The following NTM variants were observed in gnomAD, a reference collection of about 807,000 sequenced individuals.
NTM encodes the protein IgLON family member 2.
Under a neutral mutation model 42.1 loss-of-function variants are expected in NTM, and 13 were observed. The ratio of observed to expected loss-of-function variants is 0.31; its 90% CI spans 0.20 to 0.49. The LOEUF (loss-of-function observed/expected upper bound fraction) is 0.49, where lower values mean the gene tolerates loss of function less well. NTM is among the 20% of genes least tolerant of loss of function. NTM has a pLI of 0.99. For synonymous variants in NTM, 187 were observed against 179.2 expected (o/e 1.04, Z -0.35); for missense variants, 373 against 452.8 (o/e 0.82, Z 1.60).
At chr11:132,057,424 T>C (rs1378639831) in intron 2 of NTM, among the ~76,000 whole-genome samples, 3 of 152,252 alleles carry the variant, frequency 2.0e-5, no homozygotes, top group African/African-American at 4.8e-5. Context: ...GCTGTGTGTT[T>C]ATATTTTCAA....
Position 131,517,468 on chromosome 11 carries a change from G to C in NTM, c.82+146580G>C, listed in dbSNP as rs577022575. 7.9e-4 allele frequency among the ~76,000 whole-genome samples: 121 copies of C among 152,316 alleles called. 1 individual carries two copies. Among genetic ancestry groups the C allele is most frequent in the Non-Finnish European group, 1.4e-3 (92 of 68,032 alleles). Reference sequence around the variant, plus strand: ...TATTATGAGGCAAAACAATAGGCAGGCTGGAAAATGGGGGAGTAGAGGCCT... The same window carrying C: ...TATTATGAGGCAAAACAATAGGCAGCCTGGAAAATGGGGGAGTAGAGGCCT... On this transcript the variant is annotated intron_variant, in intron 1 of 8. Coordinates refer to ENST00000683400, the MANE Select transcript of NTM (RefSeq NM_001352005.2).
intron 2 of NTM, among the ~76,000 whole-genome samples, chr11:132,126,864 A>T (rs2065924592): frequency 6.6e-6 from 1 of 152,160 alleles, no homozygotes; most frequent in African/African-American, 2.4e-5. Context: ...TGACCCGCAA[A>T]GCGTGGTTTA....
intron 2 of NTM, among the ~76,000 whole-genome samples, chr11:132,118,060 C>G (rs1201147469): frequency 2.0e-5 from 3 of 152,196 alleles, no homozygotes; most frequent in African/African-American, 7.2e-5. Context: ...AGATTAATTG[C>G]AACATAATAT....
intron 1 of NTM, among the ~76,000 whole-genome samples, chr11:131,896,597 A>G (rs1016280344): frequency 6.7e-6 from 1 of 150,366 alleles, no homozygotes. Context: ...CTTGCAGGAT[A>G]GTTGCATTCC....
intron 1 of NTM, among the ~76,000 whole-genome samples, chr11:131,783,444 A>T (rs999372006): frequency 2.6e-5 from 4 of 152,150 alleles, no homozygotes; most frequent in African/African-American, 9.6e-5. Context: ...AAATCTCAGC[A>T]TATTTTTGGG....
At chr11:132,220,888 G>A (rs1244821245) in intron 4 of NTM, among the ~76,000 whole-genome samples, 1 of 152,156 alleles carries the variant, frequency 6.6e-6, no homozygotes, top group Non-Finnish European at 1.5e-5. Flanking sequence ...CCCCTACAGG[G>A]CAGGAGACCC....
At chr11:131,446,187 C>T (rs1382042163) in intron 1 of NTM, among the ~76,000 whole-genome samples, 1 of 152,188 alleles carries the variant, frequency 6.6e-6, no homozygotes, top group Non-Finnish European at 1.5e-5. Context: ...CTGAGCCCCA[C>T]TTAAGTTTGG....
intron 1 of NTM, among the ~76,000 whole-genome samples, chr11:131,617,469 G>T (rs1452613047): frequency 6.6e-6 from 1 of 152,154 alleles, no homozygotes; most frequent in African/African-American, 2.4e-5. Flanking sequence ...CTGTGTGCCT[G>T]GCCATGGAGC....
intron 1 of NTM, among the ~76,000 whole-genome samples, chr11:131,638,001 C>T (rs933171369): frequency 3.3e-5 from 5 of 152,100 alleles, no homozygotes; most frequent in South Asian, 4.1e-4. Flanking sequence ...CCTCAGTAGC[C>T]GTATTTAACC....
intron 1 of NTM, among the ~76,000 whole-genome samples, chr11:131,565,640 CT>C (rs1490940459): frequency 2.0e-5 from 3 of 152,156 alleles, no homozygotes; most frequent in Non-Finnish European, 4.4e-5. Flanking sequence ...AAGTAAGTGC[CT>C]TTATGTTCTC....
intron 1 of NTM, among the ~76,000 whole-genome samples, chr11:131,555,250 G>A (rs574510985): frequency 2.0e-5 from 3 of 152,170 alleles, no homozygotes; most frequent in South Asian, 2.1e-4. Context: ...AAATGCAAAC[G>A]TTGTTCTCAA....
intron 1 of NTM, among the ~76,000 whole-genome samples, chr11:131,625,853 A>C (rs887184237): frequency 6.6e-6 from 1 of 152,120 alleles, no homozygotes; most frequent in Non-Finnish European, 1.5e-5. Flanking sequence ...TCTGTTCCAC[A>C]TGTGTTTGTG....
chr11:131,772,253 C>T (rs911061369), intron 1 of NTM, among the ~76,000 whole-genome samples: 7 of 152,064 alleles, frequency 4.6e-5, no homozygotes, highest in African/African-American at 1.7e-4. Context: ...TATAGGAGGC[C>T]GAATTCTAAG....
At chr11:132,131,181 C>T (rs1204632713) in intron 2 of NTM, among the ~76,000 whole-genome samples, 1 of 152,140 alleles carries the variant, frequency 6.6e-6, no homozygotes, top group Non-Finnish European at 1.5e-5. Context: ...CTCACATGTG[C>T]TATAGATGCA....
At chr11:132,090,750 C>T (rs2060280494) in intron 2 of NTM, among the ~76,000 whole-genome samples, 1 of 152,196 alleles carries the variant, frequency 6.6e-6, no homozygotes, top group Non-Finnish European at 1.5e-5. Context: ...CTATCACTGT[C>T]AGACTCTTCA....
rs1941044598 is a variant in NTM, at chr11:131,370,699, A to G, written c.-108A>G. On this transcript the variant is annotated 5_prime_UTR_variant, in exon 1 of 9. Transcript: ENST00000683400. ...GTTGTGTCCTTCAGCAAAACAGTGG[A>G]TTTAAATCTCCTTGCACAAGCTTGA... 9.6e-6 allele frequency: 9 copies of G among 934,766 alleles called. No individual in the cohort carries two copies. Among genetic ancestry groups the G allele is most frequent in the African/African-American group, 1.7e-5 (1 of 60,430 alleles). The allele number at this position is 934,766 out of a possible 1,614,324, so 57.9% of individuals were successfully genotyped here.
At chr11:131,507,672 A>G (rs1293248965) in intron 1 of NTM, among the ~76,000 whole-genome samples, 6 of 147,722 alleles carry the variant, frequency 4.1e-5, no homozygotes, top group African/African-American at 1.5e-4. Flanking sequence ...CACGATATTG[A>G]TTCTTCCTAC....
intron 1 of NTM, among the ~76,000 whole-genome samples, chr11:131,685,865 A>C (rs1381067500): frequency 6.6e-6 from 1 of 152,206 alleles, no homozygotes; most frequent in Non-Finnish European, 1.5e-5. Flanking sequence ...TCAATATATA[A>C]GTTTTTAGAA....
chr11:132,286,689 G>T (rs577781091), intron 4 of NTM, among the ~76,000 whole-genome samples: 12 of 152,292 alleles, frequency 7.9e-5, no homozygotes, highest in African/African-American at 2.6e-4. Flanking sequence ...CAGAATGACC[G>T]CATGGCTCTA....
Sources: allele counts gnomAD v4.1 joint callset (sites outside exome capture counted in the v4.1 genomes callset), GRCh38; gene constraint gnomAD v4.1.1; transcripts MANE v1.5; gene names NCBI Gene and HGNC (gene_info 2026-07-23, HGNC 2026-07-21).